SYNRG: variants seen among roughly 807,000 people sequenced by gnomAD.
SYNRG encodes the protein synergin gamma.
In SYNRG, 37 loss-of-function variants were observed where a neutral mutation model predicts 130.9. That is an observed-to-expected ratio of 0.28 (90% confidence interval 0.22 to 0.37). The LOEUF is 0.37. SYNRG is among the 10% of genes least tolerant of loss of function. SYNRG has a pLI of 1.00. For missense variants in SYNRG, 1,338 were observed against 1,588.9 expected, an observed-to-expected ratio of 0.84 and a Z score of 2.68; for synonymous variants, 539 against 568.1, an observed-to-expected ratio of 0.95 and a Z score of 0.73.
At chr17:37,520,771 C>T (rs894162155) in intron 19 of SYNRG, 123 bp from the exon 20 acceptor site, 8 of 734,224 alleles carry the variant, frequency 1.1e-5, no homozygotes, top group Non-Finnish European at 1.9e-5. Context: ...ACCACCACTA[C>T]AAGAATTAAC....
intron 11 of SYNRG, among the ~76,000 whole-genome samples, chr17:37,566,602 C>A (rs897135800): frequency 2.7e-5 from 4 of 150,236 alleles, no homozygotes; most frequent in African/African-American, 4.9e-5. Flanking sequence ...CCAAATCCCC[C>A]TCTGTGAGAA....
At chr17:37,529,782 C>A (rs1436220669) in intron 19 of SYNRG, 6 of 1,551,406 alleles carry the variant, frequency 3.9e-6, no homozygotes, top group Non-Finnish European at 4.4e-6. Flanking sequence ...CTCTGTGATA[C>A]CTTTTCTTCT....
chr17:37,553,857 T>G lies in SYNRG; in HGVS notation c.1866A>C (p.Ser622=). The change falls in exon 14 of 22, where the codon TCA becomes TCC. Residue 622 remains serine, a synonymous_variant. Coordinates refer to ENST00000612223, the MANE Select transcript of SYNRG (RefSeq NM_007247.6). ...LNLADLDMFS[S]VNCSSEKPLS... is the part of the protein sequence containing the mutation. Reference sequence around the variant, plus strand: ...ATGGTTTCTCGCTGCTGCAATTAACTGAGGAAAACATATCTAGGTCTGCTA... The same window carrying G: ...ATGGTTTCTCGCTGCTGCAATTAACGGAGGAAAACATATCTAGGTCTGCTA... 6.2e-7 allele frequency: 1 copy of G among 1,612,170 alleles called. No individual in the cohort carries two copies. Among genetic ancestry groups the G allele is most frequent in the Non-Finnish European group, 8.5e-7 (1 of 1,179,638 alleles).
chr17:37,520,715 C>G, intron 19 of SYNRG, 67 bp from the exon 20 acceptor site: 1 of 1,312,268 alleles, frequency 7.6e-7, no homozygotes, highest in Admixed American at 1.7e-5. Context: ...TTCACTCCCT[C>G]ATCACTCACC....
intron 13 of SYNRG, among the ~76,000 whole-genome samples, chr17:37,557,921 T>G (rs779372564): frequency 6.6e-6 from 1 of 152,218 alleles, no homozygotes; most frequent in Non-Finnish European, 1.5e-5. Context: ...TGTCTTTTCC[T>G]ATTGTCTATT....
At chr17:37,540,625 CTCT>C (rs1267584323) in intron 15 of SYNRG, 82 bp from the exon 16 acceptor site, 17 of 1,232,488 alleles carry the variant, frequency 1.4e-5, no homozygotes, top group South Asian at 8.6e-5. Flanking sequence ...TACCACAACC[CTCT>C]TCTTTTTTTT....
intron 14 of SYNRG, among the ~76,000 whole-genome samples, chr17:37,546,062 T>C (rs76068994): frequency 6.6e-6 from 1 of 152,218 alleles, no homozygotes; most frequent in Non-Finnish European, 1.5e-5. Flanking sequence ...AAATTCTTCA[T>C]TTCCCCTGTT....
chr17:37,587,422 T>C (rs1210205486), intron 3 of SYNRG, among the ~76,000 whole-genome samples: 1 of 152,232 alleles, frequency 6.6e-6, no homozygotes, highest in Non-Finnish European at 1.5e-5. Context: ...GTTCCTCTTC[T>C]GTCCCTAACT....
intron 3 of SYNRG, among the ~76,000 whole-genome samples, chr17:37,594,312 T>A (rs1207761896): frequency 1.4e-5 from 2 of 147,858 alleles, no homozygotes; most frequent in African/African-American, 4.9e-5. Context: ...TTAATTATTT[T>A]AATTAATATT....
At position 37,540,441 on chromosome 17, in the gene SYNRG, T is replaced by C. The variant is rs763631894; in HGVS notation, c.3305A>G (p.Asn1102Ser). ...QPFRDRSNTL[N>S]EKPALPVIRD... The stretch of plus-strand genomic sequence containing the variant: ...GATGACGGGCAGGGCGGGCTTCTCA[T>C]TCAGAGTATTGGAACGGTCTCTGAA... The change falls in exon 16 of 22, where the codon AAT (asparagine) becomes AGT (serine). Residue 1102 changes from asparagine to serine, a missense_variant. Transcript: ENST00000612223. The C allele has an allele frequency of 6.2e-7, 1 of 1,613,914 alleles. No individual in the cohort carries two copies. Among genetic ancestry groups the C allele is most frequent in the Admixed American group, 1.7e-5 (1 of 59,992 alleles).
At chr17:37,580,479 G>GTA (rs2061217659) in intron 6 of SYNRG, among the ~76,000 whole-genome samples, 1 of 44,446 alleles carries the variant, frequency 2.2e-5, no homozygotes, top group African/African-American at 8.5e-5. Flanking sequence ...TTTGTATTTC[G>GTA]TGTGTGTGTG....
At chr17:37,573,987 C>G (rs183553450) in intron 8 of SYNRG, among the ~76,000 whole-genome samples, 4 of 152,136 alleles carry the variant, frequency 2.6e-5, no homozygotes. Context: ...CAGTACATTA[C>G]TGTATATTAC....
chr17:37,605,782 T>C, intron 1 of SYNRG: 1 of 979,010 alleles, frequency 1.0e-6, no homozygotes, highest in Non-Finnish European at 1.2e-6. Flanking sequence ...ATTCTTATAT[T>C]ACTGACATCT....
chr17:37,559,886 G>A (rs557584880), intron 13 of SYNRG, among the ~76,000 whole-genome samples: 1 of 152,014 alleles, frequency 6.6e-6, no homozygotes, highest in Non-Finnish European at 1.5e-5. Context: ...ATCTTCAGAG[G>A]AAACTACACT....
At chr17:37,519,797 A>C (rs1031668441) in intron 21 of SYNRG, among the ~76,000 whole-genome samples, 8 of 152,204 alleles carry the variant, frequency 5.3e-5, no homozygotes, top group African/African-American at 1.9e-4. Context: ...CACTGCAAAT[A>C]AACAAAACTC....
Position 37,570,884 on chromosome 17 carries a change from C to G in SYNRG, c.1100G>C (p.Arg367Thr). The G allele has an allele frequency of 6.2e-7, 1 of 1,611,438 alleles. No individual in the cohort carries two copies. Among genetic ancestry groups the G allele is most frequent in the Non-Finnish European group, 8.5e-7 (1 of 1,178,922 alleles). Residue 367 changes from arginine to threonine, a missense_variant and splice_region_variant, in exon 10 of 22, where the codon AGG becomes ACG. Coordinates refer to ENST00000612223, the MANE Select transcript of SYNRG (RefSeq NM_007247.6). ...ATCAGGACTCATTGCAGGAACGCCC[C>G]TCTACAAATGATAGAAAGAAAATGG... is the stretch of plus-strand genomic sequence containing the variant. ...TVLAMIAVTQRGVPAMSPDAL... is the reference protein window; with the variant it reads ...TVLAMIAVTQTGVPAMSPDAL...
At chr17:37,592,967 T>C (rs1248187393) in intron 3 of SYNRG, among the ~76,000 whole-genome samples, 3 of 152,222 alleles carry the variant, frequency 2.0e-5, no homozygotes, top group East Asian at 1.9e-4. Context: ...GGTTTACACA[T>C]GTCCATCATG....
chr17:37,544,569 C>T (rs896505349), intron 14 of SYNRG, among the ~76,000 whole-genome samples: 1 of 152,112 alleles, frequency 6.6e-6, no homozygotes, highest in Non-Finnish European at 1.5e-5. Flanking sequence ...CCCGTCTCGG[C>T]CTCCCAAAGT....
chr17:37,589,608 G>A (rs2146616131), intron 3 of SYNRG, among the ~76,000 whole-genome samples: 1 of 152,162 alleles, frequency 6.6e-6, no homozygotes, highest in South Asian at 2.1e-4. Context: ...AATTAGCCGG[G>A]CGTGGTGGCG....
Sources: allele counts gnomAD v4.1 joint callset (sites outside exome capture counted in the v4.1 genomes callset), GRCh38; gene constraint gnomAD v4.1.1; transcripts MANE v1.5; gene names NCBI Gene and HGNC (gene_info 2026-07-23, HGNC 2026-07-21).